The following ZNF366 variants were observed in gnomAD, a reference collection of about 807,000 sequenced individuals.
ZNF366 encodes the protein dendritic cell-specific transcript protein.
A neutral mutation model predicts 47.2 loss-of-function variants in ZNF366; 20 were observed. That is an observed-to-expected ratio of 0.42 (90% CI 0.30 to 0.62). The LOEUF is 0.62. Ranked by LOEUF, ZNF366 falls within the 20% of genes least tolerant of loss-of-function variation. The pLI is 0.16. For missense variants in ZNF366, 987 were observed against 976.3 expected (o/e 1.01, Z -0.15); for synonymous variants, 421 against 395.1 (o/e 1.07, Z -0.78).
Position 72,444,006 on chromosome 5 carries a change from G to A in ZNF366, c.1985C>T (p.Ala662Val). 1 of 1,614,126 alleles carries A rather than the reference G, an allele frequency of 6.2e-7. No individual in the cohort carries two copies. ...SEHAPEVLEE[A>V]CKEEKEDASK... ...TGCATCCTCCTTCTCCTCCTTGCAGGCTTCCTCCAGCACCTCGGGGGCGTG... is the reference window on the plus strand; with the variant it reads ...TGCATCCTCCTTCTCCTCCTTGCAGACTTCCTCCAGCACCTCGGGGGCGTG... Residue 662 changes from alanine to valine, a missense_variant, in exon 5 of 5, where the codon GCC (alanine) becomes GTC (valine). Around this residue, in one of 3 missense-constraint regions of ZNF366, gnomAD observed 285 missense variants for 234.8 expected, o/e 1.21. Transcript: ENST00000318442.
intron 1 of ZNF366, among the ~76,000 whole-genome samples, chr5:72,479,065 A>T (rs905683362): frequency 1.6e-4 from 24 of 152,202 alleles, no homozygotes; most frequent in Non-Finnish European, 3.1e-4. Context: ...GTGTAAATCC[A>T]GCCCTTTATC....
chr5:72,482,412 G>C (rs536146095), intron 1 of ZNF366, among the ~76,000 whole-genome samples: 1 of 152,058 alleles, frequency 6.6e-6, no homozygotes, highest in East Asian at 1.9e-4. Flanking sequence ...CTGACAATAA[G>C]GACTACCAAA....
At chr5:72,484,495 A>AAAT (rs60726077) in intron 1 of ZNF366, among the ~76,000 whole-genome samples, 16 of 145,840 alleles carry the variant, frequency 1.1e-4, no homozygotes, top group African/African-American at 3.6e-4. Flanking sequence ...AAAAAAAAAA[A>AAAT]AATAATAATA....
chr5:72,467,697 C>A lies in ZNF366; in HGVS notation c.-14-6187G>T, dbSNP rs867827711. ...AATTCACAAAAGAATATTCACTCTT[C>A]CACGAAAGAGAGAAAATGAACTCTT... is the stretch of plus-strand genomic sequence containing the variant. On this transcript the variant is annotated intron_variant, in intron 1 of 4. Coordinates refer to ENST00000318442, the MANE Select transcript of ZNF366 (RefSeq NM_152625.3). 3.1e-4 allele frequency among the ~76,000 whole-genome samples: 47 copies of A among 152,312 alleles called. 1 individual carries two copies. In the Middle Eastern group the frequency reaches 0.014, roughly 44 times the overall value.
intron 1 of ZNF366, among the ~76,000 whole-genome samples, chr5:72,474,716 A>G (rs1022248228): frequency 1.3e-5 from 2 of 152,080 alleles, no homozygotes; most frequent in Non-Finnish European, 2.9e-5. Context: ...CAAGTTGCTT[A>G]TTCTTTGTGT....
chr5:72,453,196 C>T (rs1743110220), intron 3 of ZNF366, among the ~76,000 whole-genome samples: 1 of 152,098 alleles, frequency 6.6e-6, no homozygotes, highest in Admixed American at 6.5e-5. Context: ...AGGAAGGATG[C>T]ATGTTAAGAA....
At chr5:72,469,689 T>A (rs992346678) in intron 1 of ZNF366, among the ~76,000 whole-genome samples, 3 of 152,226 alleles carry the variant, frequency 2.0e-5, no homozygotes, top group African/African-American at 7.2e-5. Context: ...AAGGTAGTCT[T>A]TTGCCTTGAT....
Position 72,460,615 on chromosome 5 carries a change from G to A in ZNF366, c.882C>T (p.Ser294=). The A allele has an allele frequency of 6.2e-7, 1 of 1,614,178 alleles. No individual in the cohort carries two copies. Among genetic ancestry groups the A allele is most frequent in the Non-Finnish European group, 8.5e-7 (1 of 1,180,046 alleles). The change falls in exon 2 of 5, where the codon AGC becomes AGT. Residue 294 remains serine (S), a synonymous_variant. Coordinates refer to ENST00000318442, the MANE Select transcript of ZNF366 (RefSeq NM_152625.3). ...THCGKLFKQL[S]HLHTHMLTHQ... Reference sequence around the variant, plus strand: ...GGGTCAGCATGTGGGTATGCAGGTGGCTGAGCTGCTTGAAGAGCTTCCCGC... The same window carrying A: ...GGGTCAGCATGTGGGTATGCAGGTGACTGAGCTGCTTGAAGAGCTTCCCGC...
At chr5:72,491,767 G>C (rs764555426) in intron 1 of ZNF366, among the ~76,000 whole-genome samples, 17 of 152,202 alleles carry the variant, frequency 1.1e-4, no homozygotes, top group Non-Finnish European at 2.2e-4. Flanking sequence ...CAAGATTAGG[G>C]CTGGGGATCT....
chr5:72,495,251 T>C (rs1208964394), intron 1 of ZNF366, among the ~76,000 whole-genome samples: 4 of 152,022 alleles, frequency 2.6e-5, no homozygotes, highest in African/African-American at 9.7e-5. Flanking sequence ...AGTAGGGGAG[T>C]TCAGATTAAT....
intron 1 of ZNF366, among the ~76,000 whole-genome samples, chr5:72,498,155 T>C (rs1012235735): frequency 6.6e-6 from 1 of 152,228 alleles, no homozygotes; most frequent in Non-Finnish European, 1.5e-5. Context: ...CTACAGTTGT[T>C]ATGTTTTCTT....
chr5:72,465,802 C>T lies in ZNF366; in HGVS notation c.-14-4292G>A, dbSNP rs1022707682. 5.3e-5 allele frequency among the ~76,000 whole-genome samples: 8 copies of T among 152,178 alleles called. No individual in the cohort carries two copies. In the East Asian group the frequency reaches 9.6e-4, roughly 18 times the overall value. ...GCTGCGTGTGGGATAATGGAAAGAG[C>T]GTTGGTTTGGAGCCTGAAAGTCTAG... On this transcript the variant is annotated intron_variant, in intron 1 of 4. Coordinates refer to ENST00000318442, the MANE Select transcript of ZNF366 (RefSeq NM_152625.3).
intron 4 of ZNF366, 73 bp downstream of exon 4, chr5:72,447,170 C>G: frequency 6.5e-7 from 1 of 1,546,262 alleles, no homozygotes; most frequent in Non-Finnish European, 8.8e-7. Context: ...AAGGTAATGC[C>G]CCATAAAACG....
chr5:72,445,434 A>G (rs755578341), intron 4 of ZNF366, among the ~76,000 whole-genome samples: 1 of 152,138 alleles, frequency 6.6e-6, no homozygotes, highest in Non-Finnish European at 1.5e-5. Context: ...TCAGGCAATG[A>G]AGCTGTCTGT....
In ZNF366 at chr5:72,443,571, G is replaced by T. The variant is rs1275433074; in HGVS notation, c.*185C>A. Reference sequence around the variant, plus strand: ...ATGAAGACCCTGCACATGTGTGAAGGGTATCAAGGGCCCCGTGAATGACCT... The same window carrying T: ...ATGAAGACCCTGCACATGTGTGAAGTGTATCAAGGGCCCCGTGAATGACCT... On this transcript the variant is annotated 3_prime_UTR_variant, in exon 5 of 5. Transcript: ENST00000318442. 2 of 628,672 alleles carry T rather than the reference G, an allele frequency of 3.2e-6. No individual in the cohort carries two copies. The highest frequency in any genetic ancestry group is 5.4e-6 in the Non-Finnish European group (2 of 367,870). 38.9% of individuals were successfully genotyped at this position (628,672 alleles called of 1,614,324 possible).
intron 1 of ZNF366, among the ~76,000 whole-genome samples, chr5:72,469,922 G>A (rs188537138): frequency 6.6e-6 from 1 of 152,122 alleles, no homozygotes; most frequent in African/African-American, 2.4e-5. Context: ...GTATGGGCCT[G>A]CCTTCCCAGC....
Position 72,460,985 on chromosome 5 carries a change from G to A in ZNF366, c.512C>T (p.Pro171Leu), listed in dbSNP as rs762674652. ...TTTGGGGTAGTAGGGGTAGGGCGTG[G>A]GCAGGAATGGAGTGGGCGTTGGCTG... The part of the protein sequence containing the change: ...WPQPTPTPFL[P>L]TPYPYYPKVH... The change falls in exon 2 of 5, where the codon CCC (proline) becomes CTC (leucine). Residue 171 changes from proline (P) to leucine (L), a missense_variant. Pro to Leu is a moderately conservative substitution (Grantham distance 98, BLOSUM62 -3). Around this residue, in one of 3 missense-constraint regions of ZNF366, gnomAD observed 591 missense variants for 560.9 expected, o/e 1.05. Coordinates refer to ENST00000318442, the MANE Select transcript of ZNF366 (RefSeq NM_152625.3). 3 of 1,613,978 alleles carry A rather than the reference G, an allele frequency of 1.9e-6. No homozygotes were observed. Among genetic ancestry groups the A allele is most frequent in the South Asian group, 1.1e-5 (1 of 91,076 alleles).
At chr5:72,477,885 G>A (rs1345867721) in intron 1 of ZNF366, among the ~76,000 whole-genome samples, 1 of 151,714 alleles carries the variant, frequency 6.6e-6, no homozygotes, top group Non-Finnish European at 1.5e-5. Context: ...AAAAAAAAAA[G>A]TGGTGGGCTG....
At chr5:72,491,280 GCA>G (rs772603873) in intron 1 of ZNF366, among the ~76,000 whole-genome samples, 14 of 152,186 alleles carry the variant, frequency 9.2e-5, no homozygotes, top group Non-Finnish European at 1.9e-4. Flanking sequence ...TGGGAACCTG[GCA>G]CACAGTTTTG....
Sources: allele counts gnomAD v4.1 joint callset (sites outside exome capture counted in the v4.1 genomes callset), GRCh38; gene constraint gnomAD v4.1.1; regional missense constraint gnomAD v4.1.1; transcripts MANE v1.5; gene names NCBI Gene and HGNC (gene_info 2026-07-23, HGNC 2026-07-21).